Variants in AGR3 observed in about 807,000 individuals in gnomAD.
The protein encoded by AGR3 is anterior gradient protein 3.
AGR3 carries 37 observed loss-of-function variants against 24.5 expected under a neutral mutation model. The ratio of observed to expected loss-of-function variants is 1.51; its 90% CI spans 1.16 to 1.99. The LOEUF is 1.99. AGR3 is among the 30% of genes most tolerant of loss of function. AGR3 has a pLI of 0.00. For missense variants in AGR3, 228 were observed against 191.1 expected, an observed-to-expected ratio of 1.19 and a Z score of -1.14; for synonymous variants, 75 against 61.6, an observed-to-expected ratio of 1.22 and a Z score of -1.02.
rs944853010 is a variant in AGR3 at position 16,873,859 on chromosome 7, G to T, written c.110-16C>A. 4 of 1,599,236 alleles carry T rather than the reference G, an allele frequency of 2.5e-6. No individual in the cohort carries two copies. Among genetic ancestry groups the T allele is most frequent in the African/African-American group, 2.7e-5 (2 of 74,498 alleles). ...TCTCCCCATCCTGAAATAGAAGAGA[G>T]AAATCAATGCAGTAACCCAGAACTA... On this transcript the variant is annotated splice_polypyrimidine_tract_variant and intron_variant, in intron 2 of 7. Coordinates refer to ENST00000310398, the MANE Select transcript of AGR3 (RefSeq NM_176813.5).
chr7:16,873,928 T>A, intron 2 of AGR3, 85 bp from the exon 3 acceptor site: 1 of 1,046,180 alleles, frequency 9.6e-7, no homozygotes, highest in Non-Finnish European at 1.5e-6. Flanking sequence ...GATATCTACC[T>A]ACAGATATTT....
Position 16,862,668 on chromosome 7 carries a change from CAAAG to C in AGR3, c.174-10_174-7del, listed in dbSNP as rs757044217. 3.9e-6 allele frequency: 6 copies of C among 1,541,016 alleles called. No individual in the cohort carries two copies. Among genetic ancestry groups the C allele is most frequent in the Non-Finnish European group, 4.3e-6 (5 of 1,149,492 alleles). ...TAACCATTAATGGCTTCTTACTAAA[CAAAG>C]AAAGTATGGAATTAAGTCAAATGAT... On this transcript the variant is annotated splice_region_variant and splice_polypyrimidine_tract_variant and intron_variant, in intron 3 of 7. Transcript: ENST00000310398.
Position 16,864,216 on chromosome 7 carries a change from A to G in AGR3, c.174-1554T>C, listed in dbSNP as rs1781705185. 5.2e-6 allele frequency: 6 copies of G among 1,162,632 alleles called. No homozygotes were observed. In the Admixed American group the frequency reaches 1.1e-4, roughly 21 times the overall value. 72.0% of individuals were successfully genotyped at this position (1,162,632 alleles called of 1,614,324 possible). A position where few individuals can be genotyped will look rare whatever the true frequency, so the allele number is the denominator to read the frequency against. ...AACTCTGCTGAAGTACCACTGAATG[A>G]AACAAAAATGAATCTGTGAAGTAGC... On this transcript the variant is annotated intron_variant, in intron 3 of 7. Transcript: ENST00000310398.
At chr7:16,865,269 C>A in intron 3 of AGR3, 2 of 963,976 alleles carry the variant, frequency 2.1e-6, no homozygotes, top group South Asian at 2.8e-5. Flanking sequence ...GTTGTTTTCT[C>A]CTTTTGAAGA....
At chr7:16,865,149 G>C (rs1487870646) in intron 3 of AGR3, 11 of 740,372 alleles carry the variant, frequency 1.5e-5, no homozygotes, top group Non-Finnish European at 2.7e-5. Context: ...TTTGCCACCA[G>C]TAGCTTGGAC....
intron 3 of AGR3, chr7:16,864,557 C>T: frequency 1.4e-6 from 2 of 1,402,508 alleles, no homozygotes; most frequent in Non-Finnish European, 2.0e-6. Flanking sequence ...GGGAGCCTTC[C>T]AATATCTTGG....
chr7:16,869,985 A>G (rs1781834288), intron 3 of AGR3, among the ~76,000 whole-genome samples: 1 of 151,902 alleles, frequency 6.6e-6, no homozygotes, highest in Non-Finnish European at 1.5e-5. Flanking sequence ...ATCACAATTT[A>G]TTGTGATCAT....
chr7:16,869,898 A>T (rs914786069), intron 3 of AGR3, among the ~76,000 whole-genome samples: 8 of 151,854 alleles, frequency 5.3e-5, no homozygotes, highest in African/African-American at 1.9e-4. Flanking sequence ...TCTTTTCAGA[A>T]TGTTCCTAAC....
intron 5 of AGR3, among the ~76,000 whole-genome samples, chr7:16,861,727 C>G (rs1359589253): frequency 1.3e-5 from 2 of 151,548 alleles, no homozygotes; most frequent in African/African-American, 4.8e-5. Context: ...AAGGTGAAAC[C>G]CTGTCTCTAC....
downstream of AGR3, among the ~76,000 whole-genome samples, chr7:16,857,640 A>C (rs1456526074): frequency 6.6e-6 from 1 of 152,144 alleles, no homozygotes; most frequent in Non-Finnish European, 1.5e-5. Context: ...TTATCTAAAA[A>C]ATCAAAATAG....
chr7:16,866,168 A>G (rs572375054), intron 3 of AGR3: 13 of 527,788 alleles, frequency 2.5e-5, no homozygotes, highest in South Asian at 1.1e-4. Flanking sequence ...TTTTTTCTCT[A>G]TGACTTGAGT....
chr7:16,855,811 G>A (rs548777079), downstream of AGR3, among the ~76,000 whole-genome samples: 43 of 152,218 alleles, frequency 2.8e-4, no homozygotes, highest in African/African-American at 9.2e-4. Flanking sequence ...GGTTTAAAAA[G>A]TACGCTTCCC....
intron 3 of AGR3, chr7:16,866,082 T>A (rs909879888): frequency 1.4e-4 from 81 of 599,258 alleles, no homozygotes; most frequent in South Asian, 1.2e-3. Flanking sequence ...TTCTAAACCA[T>A]ATATCTGTTC....
chr7:16,864,369 C>T, intron 3 of AGR3: 1 of 1,316,480 alleles, frequency 7.6e-7, no homozygotes, highest in Admixed American at 1.7e-5. Flanking sequence ...TGGCACTATT[C>T]TGACTCAGAG....
intron 2 of AGR3, among the ~76,000 whole-genome samples, chr7:16,874,824 C>G (rs958943426): frequency 6.6e-6 from 1 of 151,962 alleles, no homozygotes; most frequent in African/African-American, 2.4e-5. Context: ...CTATTGAAAA[C>G]GTATACTTTT....
downstream of AGR3, among the ~76,000 whole-genome samples, chr7:16,855,290 C>T (rs1009456979): frequency 1.3e-5 from 2 of 152,082 alleles, no homozygotes; most frequent in Non-Finnish European, 2.9e-5. Context: ...AGGACTTCAA[C>T]CTATAATTTT....
At chr7:16,856,062 T>G (rs1030379255), downstream of AGR3, among the ~76,000 whole-genome samples, 1 of 152,196 alleles carries the variant, frequency 6.6e-6, no homozygotes, top group African/African-American at 2.4e-5. Context: ...TACTAGAAGG[T>G]TGAGCTGTTT....
intron 3 of AGR3, chr7:16,865,035 T>A: frequency 1.2e-6 from 1 of 821,652 alleles, no homozygotes. Flanking sequence ...CTGTTCATAT[T>A]CTGATAAATG....
chr7:16,877,931 C>A (rs1157935743), intron 2 of AGR3, among the ~76,000 whole-genome samples: 1 of 150,418 alleles, frequency 6.6e-6, no homozygotes, highest in Non-Finnish European at 1.5e-5. Flanking sequence ...ATATTTGTTT[C>A]TTGGGCCAAG....
Sources: gnomAD v4.1 joint callset for allele counts (sites outside exome capture counted in the v4.1 genomes callset) on GRCh38, gnomAD v4.1.1 for gene constraint, MANE v1.5 for transcripts, NCBI Gene and HGNC (gene_info 2026-07-23, HGNC 2026-07-21) for gene names.